KAZN: variants seen among roughly 807,000 people sequenced by gnomAD.
KAZN encodes the protein kazrin.
Under a neutral mutation model 87.4 loss-of-function variants are expected in KAZN, and 40 were observed. The ratio of observed to expected loss-of-function variants is 0.46; its 90% confidence interval spans 0.36 to 0.60. KAZN has a LOEUF of 0.60. KAZN is among the 20% of genes least tolerant of loss of function. The pLI is 0.00. For missense variants in KAZN, 898 were observed against 1,073.9 expected (o/e 0.84, Z 2.29); for synonymous variants, 466 against 458.3 (o/e 1.02, Z -0.22).
rs1646271063 is a variant in KAZN, at chr1:14,184,834, G to T, written c.249+4242G>T. On this transcript the variant is annotated intron_variant, in intron 2 of 16. Transcript: ENST00000636203. This position sits in a 1 kb window ranked among gnomAD's most constrained non-coding sequence, Gnocchi z 4.2. ...CCCAAAGTCAACATCATCTTGCATT[G>T]GGAAGGATGCCTTGGGAACCGAGCA... 6.6e-6 allele frequency among the ~76,000 whole-genome samples: 1 copy of T among 152,118 alleles called. No homozygotes were observed. The highest frequency in any genetic ancestry group is 6.5e-5 in the Admixed American group (1 of 15,272).
chr1:14,648,910 C>T lies in KAZN; in HGVS notation c.226+49687C>T, dbSNP rs114433940. Among the ~76,000 whole-genome samples the T allele has an allele frequency of 1.5e-3, 226 of 152,318 alleles. 1 individual carries two copies. Among genetic ancestry groups the T allele is most frequent in the African/African-American group, 5.2e-3 (215 of 41,574 alleles). The stretch of plus-strand genomic sequence containing the variant: ...GCCCTAGGTTAGACAACTGCATTTA[C>T]ATCTTCACATTAAATATAGGCAGTT... On this transcript the variant is annotated intron_variant, in intron 1 of 14. Coordinates refer to ENST00000376030, the MANE Select transcript of KAZN (RefSeq NM_201628.3).
intron 1 of KAZN, among the ~76,000 whole-genome samples, chr1:14,928,266 C>T (rs887963697): frequency 2.6e-5 from 4 of 152,080 alleles, no homozygotes; most frequent in African/African-American, 7.2e-5. Flanking sequence ...CTGGCTAACA[C>T]GGTGAAACCC....
chr1:14,158,068 C>A (rs1332802250), intron 1 of KAZN, among the ~76,000 whole-genome samples: 3 of 152,162 alleles, frequency 2.0e-5, no homozygotes, highest in Admixed American at 1.3e-4. Context: ...AGAGCCAAAC[C>A]ATATCAGGTA....
In KAZN at chr1:15,005,416, C is replaced by T. The variant is rs141569553; in HGVS notation, c.419-29333C>T. On this transcript the variant is annotated intron_variant, in intron 2 of 14. Transcript: ENST00000376030. ...ACCCTGCCAACTCTGTCCCATTTTC[C>T]CTGGGCTCCAGGTTAGCCAGAATTG... is the stretch of plus-strand genomic sequence containing the variant. Among the ~76,000 whole-genome samples the T allele has an allele frequency of 3.3e-3, 496 of 152,256 alleles. 6 individuals are homozygous for T. The highest frequency in any genetic ancestry group is 0.011 in the African/African-American group (473 of 41,538).
chr1:14,172,266 G>A (rs1248841787), intron 1 of KAZN, among the ~76,000 whole-genome samples: 4 of 152,224 alleles, frequency 2.6e-5, no homozygotes, highest in Admixed American at 2.6e-4. Flanking sequence ...GCACTGTTTA[G>A]TTGAAATGTC....
At chr1:14,563,091 C>A (rs976026360) in intron 2 of KAZN, among the ~76,000 whole-genome samples, 5 of 152,228 alleles carry the variant, frequency 3.3e-5, no homozygotes, top group Admixed American at 6.5e-5. Context: ...CCAGAAGAGT[C>A]AGAGGAGGCT....
intron 1 of KAZN, among the ~76,000 whole-genome samples, chr1:14,146,869 A>T (rs1645364907): frequency 6.6e-6 from 1 of 152,038 alleles, no homozygotes; most frequent in South Asian, 2.1e-4. Flanking sequence ...ATGTTATGGG[A>T]GATATGGTTG....
At chr1:14,135,786 G>T (rs866305674) in intron 1 of KAZN, among the ~76,000 whole-genome samples, 2 of 152,206 alleles carry the variant, frequency 1.3e-5, no homozygotes, top group Admixed American at 6.5e-5. Context: ...GAGAAGGCAG[G>T]TCTGTCGCTC....
rs147096433 is a variant in KAZN, at chr1:14,809,115, T to A, written c.227-151569T>A. On this transcript the variant is annotated intron_variant, in intron 1 of 14. Coordinates refer to ENST00000376030, the MANE Select transcript of KAZN (RefSeq NM_201628.3). ...TGACCAGAACAGGGCCCCAGGTCTA[T>A]TCCTAGAAAAACCACTGGCAAGGAG... 1.7e-3 allele frequency among the ~76,000 whole-genome samples: 266 copies of A among 152,340 alleles called. 1 individual carries two copies. The highest frequency in any genetic ancestry group is 6.8e-3 in the Middle Eastern group (2 of 294).
intron 2 of KAZN, among the ~76,000 whole-genome samples, chr1:14,289,088 T>A (rs1653479929): frequency 1.3e-5 from 2 of 152,128 alleles, no homozygotes; most frequent in East Asian, 1.9e-4. Context: ...TGCTGAGGAG[T>A]GCTTTACTTC....
At chr1:14,405,483 A>G (rs1663763761) in intron 2 of KAZN, among the ~76,000 whole-genome samples, 1 of 152,102 alleles carries the variant, frequency 6.6e-6, no homozygotes, top group South Asian at 2.1e-4. Context: ...GGGAGAGGCA[A>G]TGGGATAAAC....
chr1:14,598,603 C>T, upstream of KAZN: 2 of 1,042,284 alleles, frequency 1.9e-6, no homozygotes, highest in Non-Finnish European at 2.3e-6. This position sits in a 1 kb window ranked among gnomAD's most constrained non-coding sequence, Gnocchi z 4.2. Context: ...AAGGGTGCCC[C>T]CAGCCTCCGA....
chr1:13,928,419 T>G (rs940609739), intron 1 of KAZN, among the ~76,000 whole-genome samples: 1 of 152,210 alleles, frequency 6.6e-6, no homozygotes, highest in South Asian at 2.1e-4. Flanking sequence ...TATTTTTCTT[T>G]TCTTATTGTT....
intron 1 of KAZN, among the ~76,000 whole-genome samples, chr1:14,146,734 G>GTGACTTGAT (rs1193593826): frequency 2.0e-5 from 3 of 149,192 alleles, no homozygotes; most frequent in Non-Finnish European, 4.4e-5. Context: ...AATGCTGGGA[G>GTGACTTGAT]TGACTTGATG....
chr1:14,702,453 C>A (rs2148807160), intron 1 of KAZN, among the ~76,000 whole-genome samples: 1 of 151,382 alleles, frequency 6.6e-6, no homozygotes. Flanking sequence ...GGTTATCAAC[C>A]AAGTGCCAAG....
chr1:14,314,838 C>G (rs1381017596), intron 2 of KAZN, among the ~76,000 whole-genome samples: 1 of 152,116 alleles, frequency 6.6e-6, no homozygotes, highest in Non-Finnish European at 1.5e-5. Context: ...CCCATTCTCC[C>G]TTCTCCCCAG....
Position 14,181,520 on chromosome 1 carries a change from A to G in KAZN, c.249+928A>G, listed in dbSNP as rs576133928. 1.8e-4 allele frequency among the ~76,000 whole-genome samples: 28 copies of G among 152,282 alleles called. 1 individual carries two copies. The highest frequency in any genetic ancestry group is 6.3e-4 in the African/African-American group (26 of 41,552). On this transcript the variant is annotated intron_variant, in intron 2 of 16. Coordinates refer to the KAZN transcript ENST00000636203. ...CCCGAAGCCCGGGTCTTGTACCAAT[A>G]CGGCTTTAACTGGCTGTGCCTTTGT...
At position 14,976,927 on chromosome 1, in the gene KAZN, C is replaced by A. The variant is rs769686925; in HGVS notation, c.418+16052C>A. On this transcript the variant is annotated intron_variant, in intron 2 of 14. Coordinates refer to ENST00000376030, the MANE Select transcript of KAZN (RefSeq NM_201628.3). ...AAAATTAGCCAGGTGTGGTGGTGGG[C>A]GCCTGTAATCCCAGCTACTCAGGAG... Among the ~76,000 whole-genome samples, 7 of 152,050 alleles carry A rather than the reference C, an allele frequency of 4.6e-5. 1 individual carries two copies. The highest frequency in any genetic ancestry group is 9.7e-5 in the African/African-American group (4 of 41,390).
At position 15,104,071 on chromosome 1, in the gene KAZN, G is replaced by A. The variant is rs776980228; in HGVS notation, c.1930G>A (p.Val644Met). ...TNSGVHGAVL[V>M]LEPTFNAEAM... Reference sequence around the variant, plus strand: ...CAGCGGCGTCCATGGTGCTGTGCTGGTGCTGGAGCCCACATTCAATGCCGA... The same window carrying A: ...CAGCGGCGTCCATGGTGCTGTGCTGATGCTGGAGCCCACATTCAATGCCGA... Residue 644 changes from valine to methionine, a missense_variant, in exon 13 of 15, where the codon GTG becomes ATG. Transcript: ENST00000376030. The A allele has an allele frequency of 2.1e-5, 34 of 1,613,574 alleles. No homozygotes were observed. The highest frequency in any genetic ancestry group is 3.3e-5 in the Admixed American group (2 of 59,972).
Sources: gnomAD v4.1 joint callset for allele counts (sites outside exome capture counted in the v4.1 genomes callset) on GRCh38, gnomAD v4.1.1 for gene constraint, Gnocchi (gnomAD v3.1) non-coding constraint, MANE v1.5 for transcripts, NCBI Gene and HGNC (gene_info 2026-07-23, HGNC 2026-07-21) for gene names.